The following PKHD1 variants were observed in gnomAD, a reference collection of about 807,000 sequenced individuals.
PKHD1 encodes the protein fibrocystin.
In PKHD1, 291 loss-of-function variants were observed where a neutral mutation model predicts 412.0. The ratio of observed to expected loss-of-function variants is 0.71; its 90% CI spans 0.64 to 0.78. The LOEUF (loss-of-function observed/expected upper bound fraction) is 0.78, where lower values mean the gene tolerates loss of function less well. Ranked by LOEUF, PKHD1 falls within the 30% of genes least tolerant of loss-of-function variation. PKHD1 has a pLI of 0.00. For synonymous variants in PKHD1, 1,777 were observed against 1,821.5 expected, an observed-to-expected ratio of 0.98 and a Z score of 0.62; for missense variants, 4,825 against 4,950.7, an observed-to-expected ratio of 0.97 and a Z score of 0.76.
chr6:51,996,046 C>T (rs1413829028), intron 35 of PKHD1, among the ~76,000 whole-genome samples: 1 of 151,738 alleles, frequency 6.6e-6, no homozygotes, highest in African/African-American at 2.4e-5. Context: ...CGCTCCGTCG[C>T]CCAGACTGGA....
chr6:51,681,697 T>C (rs1238857886), intron 60 of PKHD1, among the ~76,000 whole-genome samples: 1 of 152,018 alleles, frequency 6.6e-6, no homozygotes, highest in Admixed American at 6.6e-5. Flanking sequence ...TTTTGGGCCA[T>C]ACTATTTAAT....
chr6:51,802,172 G>A (rs1763027200), intron 52 of PKHD1, among the ~76,000 whole-genome samples: 1 of 146,972 alleles, frequency 6.8e-6, no homozygotes, highest in Admixed American at 6.6e-5. Flanking sequence ...CAGAGTGGAC[G>A]ACATGGCATT....
At chr6:51,864,459 G>T (rs889472444) in intron 48 of PKHD1, among the ~76,000 whole-genome samples, 11 of 152,136 alleles carry the variant, frequency 7.2e-5, no homozygotes, top group Non-Finnish European at 1.6e-4. Context: ...AAGGAGAGTA[G>T]TAGAAAGACT....
chr6:51,714,452 T>G (rs1409743767), intron 60 of PKHD1, among the ~76,000 whole-genome samples: 1 of 152,154 alleles, frequency 6.6e-6, no homozygotes, highest in Non-Finnish European at 1.5e-5. Flanking sequence ...TTACATACCA[T>G]GGAAGTGCAT....
intron 2 of PKHD1, among the ~76,000 whole-genome samples, chr6:52,083,645 C>G (rs929909300): frequency 6.6e-6 from 1 of 152,120 alleles, no homozygotes; most frequent in African/African-American, 2.4e-5. Context: ...GCTCTCTTTC[C>G]CACTCTTTAA....
At chr6:51,890,848 G>C (rs1245644264) in intron 43 of PKHD1, among the ~76,000 whole-genome samples, 1 of 152,182 alleles carries the variant, frequency 6.6e-6, no homozygotes, top group Admixed American at 6.5e-5. Flanking sequence ...GCATTATGGA[G>C]ATCAAGTGTT....
At chr6:52,043,267 T>C (rs1013719734) in intron 26 of PKHD1, 133 bp from the exon 27 acceptor site, 3 of 707,844 alleles carry the variant, frequency 4.2e-6, no homozygotes, top group African/African-American at 1.8e-5. Context: ...AGGAGCTGAA[T>C]GCTGAATTAA....
At chr6:51,843,110 G>A (rs1582989628) in intron 50 of PKHD1, among the ~76,000 whole-genome samples, 1 of 152,228 alleles carries the variant, frequency 6.6e-6, no homozygotes, top group Admixed American at 6.5e-5. Context: ...GGTGGCGGCT[G>A]GGATGCCGAG....
chr6:51,895,791 C>T (rs564445016), intron 43 of PKHD1, among the ~76,000 whole-genome samples: 23 of 151,928 alleles, frequency 1.5e-4, no homozygotes, highest in African/African-American at 5.1e-4. Context: ...AGACAGTGGG[C>T]GCAGGTCAGT....
At chr6:51,637,681 G>A (rs182806592) in intron 64 of PKHD1, among the ~76,000 whole-genome samples, 11 of 152,060 alleles carry the variant, frequency 7.2e-5, no homozygotes, top group African/African-American at 9.6e-5. Flanking sequence ...TGAGGCAGGC[G>A]AATCACGAGG....
chr6:51,792,297 A>C (rs1793881968), intron 52 of PKHD1, among the ~76,000 whole-genome samples: 1 of 152,240 alleles, frequency 6.6e-6, no homozygotes. Context: ...CATCAAATAA[A>C]GATTTTTGCT....
chr6:51,837,492 A>T (rs1036869645), intron 50 of PKHD1, among the ~76,000 whole-genome samples: 2 of 152,174 alleles, frequency 1.3e-5, no homozygotes, highest in Non-Finnish European at 1.5e-5. Context: ...GGATCACTTG[A>T]GGTCAGGAGT....
At chr6:52,046,757 T>A (rs1469124279) in intron 23 of PKHD1, among the ~76,000 whole-genome samples, 1 of 152,258 alleles carries the variant, frequency 6.6e-6, no homozygotes, top group Non-Finnish European at 1.5e-5. Flanking sequence ...GCTCTCTGTA[T>A]TTGAACCCTG....
At chr6:52,035,764 C>T (rs905243007) in intron 27 of PKHD1, 43 bp from the exon 28 acceptor site, 1 of 1,599,136 alleles carries the variant, frequency 6.3e-7, no homozygotes, top group Non-Finnish European at 8.6e-7. Flanking sequence ...ACCAACCATA[C>T]AGGCAGACAA....
rs145969231 is a variant in PKHD1 at position 52,047,431 on chromosome 6, T to G, written c.2407+1061A>C. ...AGACTTTTGGACCATGTTCCAACTT[T>G]TATACAGCCCCTCTCAAGTTCTACT... On this transcript the variant is annotated intron_variant, in intron 23 of 66. Coordinates refer to ENST00000371117, the MANE Select transcript of PKHD1 (RefSeq NM_138694.4). Among the ~76,000 whole-genome samples the G allele has an allele frequency of 2.8e-3, 433 of 152,296 alleles. 3 individuals are homozygous for G. Among genetic ancestry groups the G allele is most frequent in the African/African-American group, 0.01 (420 of 41,556 alleles).
At chr6:51,954,810 C>T (rs1411105376) in intron 36 of PKHD1, among the ~76,000 whole-genome samples, 2 of 152,132 alleles carry the variant, frequency 1.3e-5, no homozygotes, top group South Asian at 2.1e-4. Flanking sequence ...TCATTCTCCC[C>T]TAATTGACCC....
chr6:51,684,202 CTG>C (rs1006202503), intron 60 of PKHD1, among the ~76,000 whole-genome samples: 5 of 152,066 alleles, frequency 3.3e-5, no homozygotes, highest in African/African-American at 1.2e-4. Context: ...ACTTGAAGGA[CTG>C]TGAGATAACA....
At chr6:52,061,724 G>A (rs949900336) in intron 14 of PKHD1, among the ~76,000 whole-genome samples, 3 of 151,588 alleles carry the variant, frequency 2.0e-5, no homozygotes, top group Non-Finnish European at 2.9e-5. Context: ...AAAATATTTG[G>A]AGGAGGTCAC....
chr6:51,894,841 G>A (rs1432817720), intron 43 of PKHD1, among the ~76,000 whole-genome samples: 1 of 152,192 alleles, frequency 6.6e-6, no homozygotes, highest in Non-Finnish European at 1.5e-5. Flanking sequence ...CATGACTATG[G>A]TTATCGTTAT....
Sources: allele counts gnomAD v4.1 joint callset (sites outside exome capture counted in the v4.1 genomes callset), GRCh38; gene constraint gnomAD v4.1.1; transcripts MANE v1.5; gene names NCBI Gene and HGNC (gene_info 2026-07-23, HGNC 2026-07-21).